CDH13: variants seen among roughly 807,000 people sequenced by gnomAD.
The protein encoded by CDH13 is cadherin-13.
A neutral mutation model predicts 63.8 loss-of-function variants in CDH13; 24 were observed. That is an observed-to-expected ratio of 0.38 (90% CI 0.27 to 0.53). CDH13 has a LOEUF of 0.53. Ranked by LOEUF, CDH13 falls within the 20% of genes least tolerant of loss-of-function variation. The pLI is 0.85. For synonymous variants in CDH13, 503 were observed against 355.3 expected (o/e 1.42, Z -4.67); for missense variants, 1,049 against 903.1 (o/e 1.16, Z -2.07).
intron 8 of CDH13, among the ~76,000 whole-genome samples, chr16:83,623,084 G>C (rs1909960385): frequency 6.6e-6 from 1 of 152,214 alleles, no homozygotes; most frequent in Non-Finnish European, 1.5e-5. Context: ...ACTTGGCTCT[G>C]CTAGGTAGAG....
intron 5 of CDH13, among the ~76,000 whole-genome samples, chr16:83,311,767 G>T (rs1391087517): frequency 6.6e-6 from 1 of 152,068 alleles, no homozygotes; most frequent in Non-Finnish European, 1.5e-5. Flanking sequence ...CAAATTCTAC[G>T]CATCTTCCTA....
At position 82,918,914 on chromosome 16, in the gene CDH13, C is replaced by G. The variant is rs556187929; in HGVS notation, c.157+60441C>G. 5.3e-5 allele frequency among the ~76,000 whole-genome samples: 8 copies of G among 152,194 alleles called. No individual in the cohort carries two copies. The East Asian group carries it at 1.5e-3, about 29-fold the overall frequency. On this transcript the variant is annotated intron_variant, in intron 2 of 13. Coordinates refer to ENST00000567109, the MANE Select transcript of CDH13 (RefSeq NM_001257.5). The stretch of plus-strand genomic sequence containing the variant: ...TATATTAGAGGACCATTTATTATAC[C>G]TGTTTGATAAAACTATGCATTTTTA...
chr16:82,779,685 C>G (rs933778834), intron 1 of CDH13, among the ~76,000 whole-genome samples: 2 of 152,180 alleles, frequency 1.3e-5, no homozygotes. Context: ...GCACTCTATT[C>G]CACCAGAACC....
intron 5 of CDH13, among the ~76,000 whole-genome samples, chr16:83,344,604 G>A (rs200763061): frequency 6.6e-6 from 1 of 152,008 alleles, no homozygotes; most frequent in African/African-American, 2.4e-5. Flanking sequence ...TTTTTGTTTT[G>A]TTTTAACTTT....
chr16:83,483,123 G>A (rs1008206949), intron 6 of CDH13, among the ~76,000 whole-genome samples: 2 of 152,180 alleles, frequency 1.3e-5, no homozygotes, highest in Admixed American at 6.5e-5. Flanking sequence ...CCACGGTCAC[G>A]CAGCTTGAAA....
In CDH13 at chr16:82,935,180, C is replaced by A. The variant is rs183155197; in HGVS notation, c.157+76707C>A. Among the ~76,000 whole-genome samples, 44 of 152,260 alleles carry A rather than the reference C, an allele frequency of 2.9e-4. 1 individual carries two copies. The East Asian group carries it at 8.1e-3, about 28-fold the overall frequency. ...CTTACAATGATGGTGGATGGGGAAG[C>A]AAATACGTTCATCTTCACATGGCAG... is the stretch of plus-strand genomic sequence containing the variant. On this transcript the variant is annotated intron_variant, in intron 2 of 13. Transcript: ENST00000567109.
chr16:83,606,726 C>CAAAA (rs11424833), intron 8 of CDH13, among the ~76,000 whole-genome samples: 3,219 of 138,314 alleles, frequency 0.023, 63 homozygotes, highest in Non-Finnish European at 0.035. Flanking sequence ...GACCCAGTTT[C>CAAAA]AAAAAAAAAA....
At chr16:83,776,457 T>A (rs917949306) in intron 11 of CDH13, among the ~76,000 whole-genome samples, 1 of 152,246 alleles carries the variant, frequency 6.6e-6, no homozygotes, top group Non-Finnish European at 1.5e-5. Context: ...ATGCCACCAT[T>A]AGAAATAGCC....
chr16:83,103,955 T>A (rs1198118803), intron 3 of CDH13, among the ~76,000 whole-genome samples: 1 of 152,214 alleles, frequency 6.6e-6, no homozygotes, highest in African/African-American at 2.4e-5. Context: ...GTGGGGCAAG[T>A]TCACAGAATA....
At position 83,047,334 on chromosome 16, in the gene CDH13, C is replaced by G. The variant is rs1018295907; in HGVS notation, c.366+15116C>G. ...TTTCTGTCCTTGCATTGTCCATTCT[C>G]GTAAACCGTGGTTAACACAGATAAT... is the stretch of plus-strand genomic sequence containing the variant. On this transcript the variant is annotated intron_variant, in intron 3 of 13. Transcript: ENST00000567109. This position sits in a 1 kb window ranked among gnomAD's most constrained non-coding sequence, Gnocchi z 4.9. Among the ~76,000 whole-genome samples, 1 of 152,166 alleles carries G rather than the reference C, an allele frequency of 6.6e-6. No individual in the cohort carries two copies. The highest frequency in any genetic ancestry group is 1.5e-5 in the Non-Finnish European group (1 of 68,034).
At chr16:83,442,078 C>T (rs566720735) in intron 6 of CDH13, among the ~76,000 whole-genome samples, 6 of 152,042 alleles carry the variant, frequency 3.9e-5, no homozygotes, top group Admixed American at 2.0e-4. Context: ...TACTTGCAGT[C>T]GGACCGGAGG....
At chr16:83,238,961 G>A (rs1472881507) in intron 5 of CDH13, among the ~76,000 whole-genome samples, 1 of 152,086 alleles carries the variant, frequency 6.6e-6, no homozygotes, top group Non-Finnish European at 1.5e-5. Context: ...TGAAAATTTT[G>A]TCCTGACGAG....
intron 10 of CDH13, among the ~76,000 whole-genome samples, chr16:83,724,166 A>G (rs1046690198): frequency 0.037 from 2,467 of 67,304 alleles, no homozygotes; most frequent in Middle Eastern, 0.052. Context: ...GGTGATGAAT[A>G]CATGGGTGAG....
In CDH13 at chr16:83,152,271, C is replaced by A. The variant is rs58542073; in HGVS notation, c.483+26770C>A. 9.5e-3 allele frequency among the ~76,000 whole-genome samples: 1,446 copies of A among 152,222 alleles called. 10 individuals carry two copies. Among genetic ancestry groups the A allele is most frequent in the Non-Finnish European group, 0.016 (1,073 of 68,010 alleles). On this transcript the variant is annotated intron_variant, in intron 4 of 13. Coordinates refer to ENST00000567109, the MANE Select transcript of CDH13 (RefSeq NM_001257.5). ...TCTTGAAAACCACCTAAATGATCCA[C>A]GACAAGGAAGTCATTAATTAAATAA...
intron 4 of CDH13, among the ~76,000 whole-genome samples, chr16:83,128,362 C>A (rs2035902214): frequency 1.3e-5 from 2 of 152,300 alleles, no homozygotes; most frequent in Non-Finnish European, 2.9e-5. Flanking sequence ...ACCCCAAAAC[C>A]ACTGAGCCAA....
At chr16:82,757,109 C>A (rs1302515780) in intron 1 of CDH13, among the ~76,000 whole-genome samples, 3 of 152,148 alleles carry the variant, frequency 2.0e-5, no homozygotes, top group Non-Finnish European at 4.4e-5. Context: ...CCACACAACT[C>A]TTAGTTCATA....
intron 8 of CDH13, among the ~76,000 whole-genome samples, chr16:83,628,705 C>G (rs569051088): frequency 6.6e-6 from 1 of 152,038 alleles, no homozygotes; most frequent in South Asian, 2.1e-4. Flanking sequence ...CTCTGTGAGG[C>G]AATCTGGGGT....
intron 3 of CDH13, among the ~76,000 whole-genome samples, chr16:83,044,940 T>A (rs369059416): frequency 6.6e-5 from 10 of 152,238 alleles, no homozygotes; most frequent in African/African-American, 2.4e-4. Context: ...GTACATTTTC[T>A]AGGCTCTCTG....
chr16:83,275,179 G>T (rs1459398850), intron 5 of CDH13, among the ~76,000 whole-genome samples: 1 of 152,194 alleles, frequency 6.6e-6, no homozygotes, highest in Non-Finnish European at 1.5e-5. Context: ...GCCCCATAGA[G>T]CATTTATGAT....
Sources: allele counts gnomAD v4.1 joint callset (sites outside exome capture counted in the v4.1 genomes callset), GRCh38; gene constraint gnomAD v4.1.1; non-coding constraint Gnocchi (gnomAD v3.1); transcripts MANE v1.5; gene names NCBI Gene and HGNC (gene_info 2026-07-23, HGNC 2026-07-21).